The following DUS1L variants were observed in gnomAD, a reference collection of about 807,000 sequenced individuals.
DUS1L encodes dihydrouridine synthase 1 like.
Under a neutral mutation model 61.2 loss-of-function variants are expected in DUS1L, and 56 were observed. The observed-to-expected ratio is 0.92, with a 90% CI of 0.74 to 1.14. The LOEUF is 1.14. Ranked by LOEUF, DUS1L falls within the 50% of genes most tolerant of loss-of-function variation. The probability of loss-of-function intolerance (pLI) is 0.00; values close to 1 mark genes in which losing one functional copy is unlikely to be tolerated. For missense variants in DUS1L, 630 were observed against 632.4 expected (o/e 1.00, Z 0.04); for synonymous variants, 278 against 259.5 (o/e 1.07, Z -0.69).
At chr17:82,065,416 C>T (rs868041095) in intron 1 of DUS1L, 197 bp downstream of exon 1, 78 of 242,116 alleles carry the variant, frequency 3.2e-4, no homozygotes, top group Middle Eastern at 2.4e-3. Context: ...AAGTTAGGAC[C>T]CCCGGCCCCT....
chr17:82,060,713 T>C lies in DUS1L; in HGVS notation c.1010A>G (p.Tyr337Cys). The C allele has an allele frequency of 6.2e-7, 1 of 1,612,866 alleles. No homozygotes were observed. Among genetic ancestry groups the C allele is most frequent in the Non-Finnish European group, 8.5e-7 (1 of 1,179,880 alleles). ...DLPFHWICQP[Y>C]IRPGPREGSK... ...GCTGGGCTCTCACCCCGGCCGGATGTAGGGCTGGCAGATCCAGTGGAAGGG... is the reference window on the plus strand; with the variant it reads ...GCTGGGCTCTCACCCCGGCCGGATGCAGGGCTGGCAGATCCAGTGGAAGGG... Residue 337 changes from tyrosine to cysteine, a missense_variant, in exon 10 of 14, where the codon TAC becomes TGC. Tyr to Cys is a radical substitution (Grantham distance 194). Transcript: ENST00000306796.
intron 11 of DUS1L, 198 bp downstream of exon 11, chr17:82,059,750 C>T: frequency 2.9e-6 from 2 of 679,388 alleles, no homozygotes; most frequent in Non-Finnish European, 5.0e-6. Flanking sequence ...GTCCCACATG[C>T]ACGGGCTGTG....
chr17:82,058,362 T>A lies in DUS1L; in HGVS notation c.1261A>T (p.Lys421Ter). ...CRGCCKKRASKETADCPGHGL... is the reference protein window; with the variant it reads ...CRGCCKKRAS Reference sequence around the variant, plus strand: ...TCACCTGGGCAGTCTGCAGTCTCTTTGGAGGCTCGCTTCTTGCAGCAGCCG... The same window carrying A: ...TCACCTGGGCAGTCTGCAGTCTCTTAGGAGGCTCGCTTCTTGCAGCAGCCG... Residue 421 changes from lysine to a stop codon, truncating the protein, a stop_gained, in exon 13 of 14, where the codon AAA becomes TAA. Transcript: ENST00000306796. LOFTEE classifies it high-confidence loss of function. 1 of 1,493,428 alleles carries A rather than the reference T, an allele frequency of 6.7e-7. No homozygotes were observed. Among genetic ancestry groups the A allele is most frequent in the Non-Finnish European group, 8.9e-7 (1 of 1,119,028 alleles). 92.5% of individuals were successfully genotyped at this position (1,493,428 alleles called of 1,614,324 possible). A position where few individuals can be genotyped will look rare whatever the true frequency, so the allele number is the denominator to read the frequency against.
rs1598539173 is a variant in DUS1L, at chr17:82,057,528, T to C, written c.*587A>G. The stretch of plus-strand genomic sequence containing the variant: ...CTGGTCACCCCTGGGTGGCCTTGGG[T>C]TCCTGAGGGCTGTCTCCCTGGGACT... On this transcript the variant is annotated 3_prime_UTR_variant, in exon 14 of 14. Coordinates refer to ENST00000306796, the MANE Select transcript of DUS1L (RefSeq NM_022156.5). The C allele has an allele frequency of 1.7e-5, 6 of 343,080 alleles. No individual in the cohort carries two copies. The highest frequency in any genetic ancestry group is 1.4e-4 in the South Asian group (6 of 43,266). The allele number at this position is 343,080 out of a possible 1,614,324, so 21.3% of individuals were successfully genotyped here.
chr17:82,062,149 A>C (rs73999367), intron 5 of DUS1L, among the ~76,000 whole-genome samples, 166 bp from the exon 6 acceptor site: 19,378 of 151,032 alleles, frequency 0.13, 2,108 homozygotes, highest in African/African-American at 0.3. Context: ...CCCTCACCAT[A>C]TCAGCTCCTG....
At position 82,064,219 on chromosome 17, in the gene DUS1L, G is replaced by A. The variant is rs143290943; in HGVS notation, c.253C>T (p.Pro85Ser). 2 of 1,611,812 alleles carry A rather than the reference G, an allele frequency of 1.2e-6. No individual in the cohort carries two copies. Among genetic ancestry groups the A allele is most frequent in the Non-Finnish European group, 1.7e-6 (2 of 1,179,734 alleles). The part of the protein sequence containing the change: ...PLIVQFCAND[P>S]EVFVQAALLA... ...AGAGCCGCCTGAACAAACACCTCCG[G>A]GTCATTGGCACAGAACTGGAGAAGA... Residue 85 changes from proline to serine, a missense_variant, in exon 3 of 14, where the codon CCG becomes TCG. Pro to Ser is a moderately conservative substitution (Grantham distance 74). Transcript: ENST00000306796.
chr17:82,061,514 A>G, intron 7 of DUS1L, 104 bp downstream of exon 7: 3 of 1,437,730 alleles, frequency 2.1e-6, no homozygotes, highest in Non-Finnish European at 1.9e-6. Context: ...ACCATCTGTG[A>G]ACAGCACCAT....
intron 10 of DUS1L, chr17:82,060,440 G>A (rs556246409): frequency 3.4e-6 from 2 of 590,894 alleles, no homozygotes; most frequent in East Asian, 2.8e-5. Flanking sequence ...AGAGAAGTAT[G>A]TTATGGAAGA....
intron 4 of DUS1L, 142 bp downstream of exon 4, chr17:82,063,326 G>T: frequency 8.7e-7 from 1 of 1,143,160 alleles, no homozygotes; most frequent in Non-Finnish European, 1.3e-6. Flanking sequence ...CAGAGAGGCT[G>T]CTGTGGGCAG....
chr17:82,062,768 G>T, intron 5 of DUS1L, 93 bp downstream of exon 5: 1 of 1,158,422 alleles, frequency 8.6e-7, no homozygotes, highest in Non-Finnish European at 1.3e-6. Context: ...GGCCGACGGT[G>T]CACGGTGTCT....
In DUS1L at chr17:82,061,342, G is replaced by T; in HGVS notation, c.709C>A (p.His237Asn). ...QGVMSAEGNL[H>N]NPALFEGRSP... is the part of the protein sequence containing the mutation. ...CGGCCCTCGAACAGGGCGGGGTTGT[G>T]CAGGTTGCCCTCTGTGGGAGGAGGA... The change falls in exon 8 of 14, where the codon CAC becomes AAC. Residue 237 changes from histidine to asparagine, a missense_variant. His to Asn is a moderately conservative substitution (Grantham distance 68). Coordinates refer to ENST00000306796, the MANE Select transcript of DUS1L (RefSeq NM_022156.5). 1 of 1,583,248 alleles carries T rather than the reference G, an allele frequency of 6.3e-7. No individual in the cohort carries two copies. Among genetic ancestry groups the T allele is most frequent in the South Asian group, 1.1e-5 (1 of 87,810 alleles).
At chr17:82,063,405 A>G (rs1019433127) in intron 4 of DUS1L, 63 bp downstream of exon 4, 1 of 1,608,852 alleles carries the variant, frequency 6.2e-7, no homozygotes, top group Non-Finnish European at 8.5e-7. Context: ...CCAAGTGGAC[A>G]GTGCCCATGT....
chr17:82,064,347 C>T, intron 2 of DUS1L, 113 bp from the exon 3 acceptor site: 1 of 863,566 alleles, frequency 1.2e-6, no homozygotes, highest in South Asian at 1.5e-5. Flanking sequence ...AGGTTCACTG[C>T]AGGAGGGTGC....
chr17:82,063,550 C>T, intron 3 of DUS1L, 32 bp from the exon 4 acceptor site: 1 of 1,612,890 alleles, frequency 6.2e-7, no homozygotes, highest in Non-Finnish European at 8.5e-7. Context: ...TGGCTGGCAC[C>T]TGTGTTAAGG....
rs1364937136 is a variant in DUS1L at position 82,064,843 on chromosome 17, C to T, written c.217G>A (p.Asp73Asn). The T allele has an allele frequency of 1.2e-6, 2 of 1,611,154 alleles. No individual in the cohort carries two copies. The highest frequency in any genetic ancestry group is 1.7e-6 in the Non-Finnish European group (2 of 1,179,276). ...CGCACCTGCACGATGAGGGGCCGGTCCTCGGGGCACACCTCGCAGTACAGG... is the reference window on the plus strand; with the variant it reads ...CGCACCTGCACGATGAGGGGCCGGTTCTCGGGGCACACCTCGCAGTACAGG... The part of the protein sequence containing the change: ...ENLYCEVCPE[D>N]RPLIVQFCAN... Residue 73 changes from aspartate (D) to asparagine (N), a missense_variant, in exon 2 of 14, where the codon GAC (aspartate) becomes AAC (asparagine). Asp to Asn is a conservative substitution (Grantham distance 23). Transcript: ENST00000306796.
At position 82,060,932 on chromosome 17, in the gene DUS1L, T is replaced by C. The variant is rs1032266304; in HGVS notation, c.872A>G (p.Glu291Gly). The C allele has an allele frequency of 6.8e-6, 11 of 1,610,626 alleles. No homozygotes were observed. Among genetic ancestry groups the C allele is most frequent in the Admixed American group, 1.7e-5 (1 of 60,000 alleles). The change falls in exon 9 of 14, where the codon GAG becomes GGG. Residue 291 changes from glutamate (E) to glycine (G), a missense_variant. By Grantham distance (98) the Glu-to-Gly change is moderately conservative. Transcript: ENST00000306796. ...CTCCAGGGTCTTCACCTTGGCCAGC[T>C]CCTCTCGCAGCTCCTGGTGCACCTG... ...TLQVHQELRE[E>G]LAKVKTLEGI...
rs369444572 is a variant in DUS1L, at chr17:82,061,262, G to A, written c.789C>T (p.His263=). 2.9e-5 allele frequency: 46 copies of A among 1,610,564 alleles called. No homozygotes were observed. The African/African-American group carries it at 4.5e-4, about 16-fold the overall frequency. Residue 263 remains histidine, a synonymous_variant, in exon 8 of 14, where the codon CAC becomes CAT. Coordinates refer to ENST00000306796, the MANE Select transcript of DUS1L (RefSeq NM_022156.5). ...CCCGGACGTAGGACAGGGGGCAGGGGTGCTCCCGCACGATGTCCAGATACT... is the reference window on the plus strand; with the variant it reads ...CCCGGACGTAGGACAGGGGGCAGGGATGCTCCCGCACGATGTCCAGATACT... The part of the protein sequence containing the change: ...AEEYLDIVRE[H]PCPLSYVRAH...
chr17:82,060,152 A>C, intron 10 of DUS1L, 59 bp from the exon 11 acceptor site: 1 of 1,575,738 alleles, frequency 6.3e-7, no homozygotes, highest in South Asian at 1.1e-5. Flanking sequence ...CAGCAGCCAC[A>C]GCCACACGGG....
Position 82,060,052 on chromosome 17 carries a change from TTGC to T in DUS1L, c.1061_1063del (p.Ser354del). 6.2e-7 allele frequency: 1 copy of T among 1,613,464 alleles called. No individual in the cohort carries two copies. Among genetic ancestry groups the T allele is most frequent in the Non-Finnish European group, 8.5e-7 (1 of 1,179,888 alleles). On this transcript the variant is annotated inframe_deletion, in exon 11 of 14. Transcript: ENST00000306796. ...ACCCTCCTCTTCCTCCAGGGCCCGCTTGCTGCGCGCACCTGCCTTCTCCTTGCT... is the reference window on the plus strand; with the variant it reads ...ACCCTCCTCTTCCTCCAGGGCCCGCTTGCGCGCACCTGCCTTCTCCTTGCT...
Sources: allele counts gnomAD v4.1 joint callset (sites outside exome capture counted in the v4.1 genomes callset), GRCh38; gene constraint gnomAD v4.1.1; transcripts MANE v1.5; gene names NCBI Gene and HGNC (gene_info 2026-07-23, HGNC 2026-07-21).